The following CAMTA1 variants were observed in gnomAD, a reference collection of about 807,000 sequenced individuals.
CAMTA1 encodes calmodulin-binding transcription activator 1.
CAMTA1 carries 27 observed loss-of-function variants against 170.9 expected under a neutral mutation model. That is an observed-to-expected ratio of 0.16 (90% confidence interval 0.12 to 0.22). CAMTA1 has a LOEUF of 0.22. Ranked by LOEUF, CAMTA1 falls within the 10% of genes least tolerant of loss-of-function variation. The pLI, the probability that CAMTA1 is intolerant of heterozygous loss-of-function variation, is 1.00. For missense variants in CAMTA1, 1,619 were observed against 2,217.2 expected (o/e 0.73, Z 5.42); for synonymous variants, 833 against 891.5 (o/e 0.93, Z 1.17).
At chr1:7,088,936 A>G (rs1641105603) in intron 3 of CAMTA1, among the ~76,000 whole-genome samples, 1 of 152,240 alleles carries the variant, frequency 6.6e-6, no homozygotes, top group African/African-American at 2.4e-5. Flanking sequence ...TGACAAACCA[A>G]CAACTCTGAA....
At chr1:6,964,933 G>C (rs1191301839) in intron 3 of CAMTA1, among the ~76,000 whole-genome samples, 3 of 152,174 alleles carry the variant, frequency 2.0e-5, no homozygotes, top group Non-Finnish European at 2.9e-5. Context: ...AGGAGAGGCC[G>C]GGTCGGCTGG....
At chr1:7,610,227 AT>A (rs1253807867) in intron 6 of CAMTA1, among the ~76,000 whole-genome samples, 2 of 152,234 alleles carry the variant, frequency 1.3e-5, no homozygotes, top group Non-Finnish European at 2.9e-5. Context: ...ACATAGAGAC[AT>A]TAAAGGCAAG....
Position 7,738,134 on chromosome 1 carries a change from T to G in CAMTA1, c.3834T>G (p.Ser1278Arg). 1.2e-6 allele frequency: 2 copies of G among 1,614,050 alleles called. No homozygotes were observed. Among genetic ancestry groups the G allele is most frequent in the Non-Finnish European group, 8.5e-7 (1 of 1,179,978 alleles). The change falls in exon 16 of 23, where the codon AGT (serine) becomes AGG (arginine). Residue 1278 changes from serine to arginine, a missense_variant. Ser to Arg is a moderately radical substitution (Grantham distance 110, BLOSUM62 -1). Coordinates refer to ENST00000303635, the MANE Select transcript of CAMTA1 (RefSeq NM_015215.4). This position sits in a 1 kb window ranked among gnomAD's most constrained non-coding sequence, Gnocchi z 4.9. ...CAAATATCAGGAAGCAAAGCCCTAGTTCTAAGCAGTCTGTCCCCGAGACAC... is the reference window on the plus strand; with the variant it reads ...CAAATATCAGGAAGCAAAGCCCTAGGTCTAAGCAGTCTGTCCCCGAGACAC... ...EEPNIRKQSP[S>R]SKQSVPETLS...
intron 5 of CAMTA1, among the ~76,000 whole-genome samples, chr1:7,324,698 C>T (rs1679018117): frequency 6.6e-6 from 1 of 151,078 alleles, no homozygotes. Flanking sequence ...ATCCCAGCTA[C>T]TAGGAGGCTG....
rs542197613 is a variant in CAMTA1 at position 7,656,634 on chromosome 1, A to G, written c.665-5092A>G. ...TAGCTGAAGCTCTCCGCCGCTTCCC[A>G]AGGGCATGGGATGGAGCAGCTGCAA... On this transcript the variant is annotated intron_variant, in intron 7 of 22. Coordinates refer to ENST00000303635, the MANE Select transcript of CAMTA1 (RefSeq NM_015215.4). Among the ~76,000 whole-genome samples, 25 of 152,318 alleles carry G rather than the reference A, an allele frequency of 1.6e-4. No individual in the cohort carries two copies. The South Asian group carries it at 2.9e-3, about 18-fold the overall frequency.
At chr1:7,109,999 C>T (rs1643915172) in intron 4 of CAMTA1, among the ~76,000 whole-genome samples, 1 of 152,140 alleles carries the variant, frequency 6.6e-6, no homozygotes, top group Admixed American at 6.5e-5. Flanking sequence ...CTATGGTGAG[C>T]CGGGAAGTGA....
chr1:7,288,703 C>A (rs1188995303), intron 5 of CAMTA1, among the ~76,000 whole-genome samples: 1 of 152,208 alleles, frequency 6.6e-6, no homozygotes, highest in Non-Finnish European at 1.5e-5. Flanking sequence ...ACCGTGAGAT[C>A]CCTGGTGCCC....
chr1:6,969,011 G>A (rs569968861), intron 3 of CAMTA1, among the ~76,000 whole-genome samples: 1 of 152,112 alleles, frequency 6.6e-6, no homozygotes, highest in South Asian at 2.1e-4. Flanking sequence ...CATTTAAAGG[G>A]TTTGACTTTA....
At chr1:7,123,752 C>T (rs976304659) in intron 4 of CAMTA1, among the ~76,000 whole-genome samples, 1 of 152,154 alleles carries the variant, frequency 6.6e-6, no homozygotes, top group Non-Finnish European at 1.5e-5. Flanking sequence ...TTGTCACCCC[C>T]ACAGCCCCTC....
At position 7,063,084 on chromosome 1, in the gene CAMTA1, C is replaced by T. The variant is rs1291077881; in HGVS notation, c.235-28220C>T. On this transcript the variant is annotated intron_variant, in intron 3 of 22. Transcript: ENST00000303635. This position sits in a 1 kb window ranked among gnomAD's most constrained non-coding sequence, Gnocchi z 4.3. ...TTTTGGGGAACACGGATTCATTTTTCTCACTTCCCTAACAAAATATAAACT... is the reference window on the plus strand; with the variant it reads ...TTTTGGGGAACACGGATTCATTTTTTTCACTTCCCTAACAAAATATAAACT... 6.6e-6 allele frequency among the ~76,000 whole-genome samples: 1 copy of T among 152,176 alleles called. No homozygotes were observed. The highest frequency in any genetic ancestry group is 1.5e-5 in the Non-Finnish European group (1 of 68,028).
At chr1:7,125,253 C>T (rs746735096) in intron 4 of CAMTA1, among the ~76,000 whole-genome samples, 2 of 152,094 alleles carry the variant, frequency 1.3e-5, no homozygotes, top group Non-Finnish European at 2.9e-5. Context: ...CTGGGGGACA[C>T]TAGAAGTTCA....
In CAMTA1 at chr1:7,664,188, G is replaced by C; in HGVS notation, c.1641G>C (p.Ala547=). The C allele has an allele frequency of 6.2e-7, 1 of 1,612,772 alleles. No individual in the cohort carries two copies. ...TCGAGCAGCAGATGGCCAAAGAAGC[G>C]TACTCCTCCTCCGCGGCGGCTGTGG... ...TSFEQQMAKE[A]YSSSAAAVAA... The change falls in exon 9 of 23, where the codon GCG becomes GCC. Residue 547 remains alanine, a synonymous_variant. Transcript: ENST00000303635.
intron 5 of CAMTA1, among the ~76,000 whole-genome samples, chr1:7,450,859 G>C (rs868201840): frequency 8.2e-6 from 1 of 121,806 alleles, no homozygotes; most frequent in African/African-American, 3.4e-5. Flanking sequence ...GGGGCAGAGA[G>C]AGCAGCTAAA....
At chr1:7,069,983 G>T (rs540438590) in intron 3 of CAMTA1, among the ~76,000 whole-genome samples, 1 of 152,216 alleles carries the variant, frequency 6.6e-6, no homozygotes, top group Non-Finnish European at 1.5e-5. Context: ...GCTACTCCTT[G>T]CCGCGGCCTC....
chr1:7,640,275 G>A (rs2095750518), intron 6 of CAMTA1, 125 bp from the exon 7 acceptor site: 3 of 1,009,158 alleles, frequency 3.0e-6, no homozygotes, highest in Non-Finnish European at 2.9e-6. Flanking sequence ...CGTCAGCAGT[G>A]TGAGGTCAAG....
intron 6 of CAMTA1, among the ~76,000 whole-genome samples, chr1:7,499,365 G>A (rs200181251): frequency 4.8e-4 from 68 of 142,982 alleles, no homozygotes; most frequent in East Asian, 2.5e-3. Flanking sequence ...CCTGGTGTGC[G>A]TGTGTATGTA....
In CAMTA1 at chr1:7,562,578, G is replaced by A. The variant is rs550408498; in HGVS notation, c.511-77822G>A. Among the ~76,000 whole-genome samples the A allele has an allele frequency of 2.0e-4, 30 of 152,300 alleles. No individual in the cohort carries two copies. The South Asian group carries it at 5.8e-3, about 30-fold the overall frequency. ...GACAGGCAGCAGTACCCGCTGTCACGCTGCCTGCATGTCCCAGAAATGTTA... is the reference window on the plus strand; with the variant it reads ...GACAGGCAGCAGTACCCGCTGTCACACTGCCTGCATGTCCCAGAAATGTTA... On this transcript the variant is annotated intron_variant, in intron 6 of 22. Coordinates refer to ENST00000303635, the MANE Select transcript of CAMTA1 (RefSeq NM_015215.4). The surrounding 1 kb of genome is among the most constrained non-coding windows in gnomAD (Gnocchi z 4.8).
At chr1:7,537,029 AG>A (rs1346950396) in intron 6 of CAMTA1, among the ~76,000 whole-genome samples, 1 of 152,188 alleles carries the variant, frequency 6.6e-6, no homozygotes, top group Non-Finnish European at 1.5e-5. Flanking sequence ...CGGCTTAGGC[AG>A]GGGCTCCCTG....
At chr1:7,090,153 CTT>C (rs1641290676) in intron 3 of CAMTA1, among the ~76,000 whole-genome samples, 1 of 152,192 alleles carries the variant, frequency 6.6e-6, no homozygotes, top group Non-Finnish European at 1.5e-5. Context: ...GATCTCCACT[CTT>C]GGCCTGTGGT....
Sources: allele counts gnomAD v4.1 joint callset (sites outside exome capture counted in the v4.1 genomes callset), GRCh38; gene constraint gnomAD v4.1.1; non-coding constraint Gnocchi (gnomAD v3.1); transcripts MANE v1.5; gene names NCBI Gene and HGNC (gene_info 2026-07-23, HGNC 2026-07-21).